OTOGL: variants seen among roughly 807,000 people sequenced by gnomAD.
OTOGL encodes the protein otogelin-like protein.
In OTOGL, 285 loss-of-function variants were observed where a neutral mutation model predicts 318.5. The observed-to-expected ratio is 0.89, with a 90% CI of 0.81 to 0.99. The LOEUF is 0.99. Ranked by LOEUF, OTOGL falls within the 50% of genes least tolerant of loss-of-function variation. The pLI is 0.00. For synonymous variants in OTOGL, 987 were observed against 936.5 expected (o/e 1.05, Z -0.99); for missense variants, 2,899 against 2,845.6 (o/e 1.02, Z -0.43).
At position 80,342,150 on chromosome 12, in the gene OTOGL, A is replaced by T; in HGVS notation, c.5253A>T (p.Pro1751=). The T allele has an allele frequency of 6.4e-7, 1 of 1,572,980 alleles. No homozygotes were observed. Among genetic ancestry groups the T allele is most frequent in the Non-Finnish European group, 8.6e-7 (1 of 1,156,660 alleles). ...IDLLNRRIFI[P]CHDKVSPEDF... is the part of the protein sequence containing the mutation. Reference sequence around the variant, plus strand: ...TATTAAATAGAAGAATTTTCATTCCATGTCATGATAAAGTAAGTTGGAAGC... The same window carrying T: ...TATTAAATAGAAGAATTTTCATTCCTTGTCATGATAAAGTAAGTTGGAAGC... The change falls in exon 44 of 59, where the codon CCA becomes CCT. Residue 1751 remains proline (P), a synonymous_variant. Transcript: ENST00000547103.
intron 7 of OTOGL, among the ~76,000 whole-genome samples, chr12:80,226,413 A>C (rs1191272006): frequency 6.6e-6 from 1 of 151,790 alleles, no homozygotes; most frequent in East Asian, 1.9e-4. Context: ...TATTCTCTTT[A>C]CTCCAGTCAC....
chr12:80,170,408 A>G (rs1245012), intron 1 of OTOGL, among the ~76,000 whole-genome samples: 142,084 of 152,186 alleles, frequency 0.93, 66,451 homozygotes, highest in East Asian at 1. Flanking sequence ...GATATTTTCT[A>G]CTCATAGTTT....
At chr12:80,201,484 G>A (rs1876452561) in intron 1 of OTOGL, among the ~76,000 whole-genome samples, 1 of 152,198 alleles carries the variant, frequency 6.6e-6, no homozygotes, top group Non-Finnish European at 1.5e-5. Flanking sequence ...CACAGGGAGG[G>A]CACAAAGTGA....
chr12:80,176,303 C>T lies in OTOGL; in HGVS notation c.-19-33110C>T, dbSNP rs1874522369. 3.3e-5 allele frequency among the ~76,000 whole-genome samples: 5 copies of T among 152,142 alleles called. No individual in the cohort carries two copies. The South Asian group carries it at 1.0e-3, about 32-fold the overall frequency. On this transcript the variant is annotated intron_variant, in intron 1 of 58. Transcript: ENST00000547103. Reference sequence around the variant, plus strand: ...TATTTAAGGTGTACAAATTTAACATCTGTACAACTTATTAAGCCATCACCA... The same window carrying T: ...TATTTAAGGTGTACAAATTTAACATTTGTACAACTTATTAAGCCATCACCA...
At chr12:80,144,644 A>G (rs1872208664) in intron 1 of OTOGL, among the ~76,000 whole-genome samples, 1 of 151,988 alleles carries the variant, frequency 6.6e-6, no homozygotes, top group Non-Finnish European at 1.5e-5. Context: ...GACTTCCACA[A>G]TGGTTGAACT....
intron 18 of OTOGL, among the ~76,000 whole-genome samples, chr12:80,260,800 A>G (rs1392905903): frequency 6.6e-6 from 1 of 152,152 alleles, no homozygotes; most frequent in African/African-American, 2.4e-5. Context: ...AGTCAGTTCC[A>G]CCTGGAAACC....
At chr12:80,336,584 TTCA>T (rs748366013) in intron 40 of OTOGL, 29 bp downstream of exon 40, 1 of 1,587,006 alleles carries the variant, frequency 6.3e-7, no homozygotes, top group South Asian at 1.1e-5. Context: ...TTGCAGTCAT[TTCA>T]TCATAAATCT....
intron 1 of OTOGL, among the ~76,000 whole-genome samples, chr12:80,160,186 G>A (rs892160352): frequency 3.3e-5 from 5 of 151,966 alleles, no homozygotes; most frequent in East Asian, 1.9e-4. Context: ...CATTGGCTTC[G>A]GCAAAGACTT....
intron 1 of OTOGL, among the ~76,000 whole-genome samples, chr12:80,201,085 A>G (rs1174380863): frequency 6.6e-6 from 1 of 152,162 alleles, no homozygotes; most frequent in African/African-American, 2.4e-5. Context: ...CTGTTTTCCC[A>G]GAGGTAGTAG....
intron 34 of OTOGL, among the ~76,000 whole-genome samples, chr12:80,321,510 G>A (rs553889962): frequency 6.6e-6 from 1 of 151,880 alleles, no homozygotes; most frequent in East Asian, 1.9e-4. Context: ...CACCAACATC[G>A]CACATGTATA....
At position 80,336,508 on chromosome 12, in the gene OTOGL, C is replaced by T. The variant is rs772878136; in HGVS notation, c.4696C>T (p.Pro1566Ser). Residue 1566 changes from proline (P) to serine (S), a missense_variant, in exon 40 of 59, where the codon CCT becomes TCT. Physicochemically the swap from Pro to Ser is moderately conservative, Grantham distance 74. Transcript: ENST00000547103. Reference protein sequence around the residue: ...SMASYILVRIPGEIIVAHIEK... With the variant: ...SMASYILVRISGEIIVAHIEK... ...GGCTTCTTATATCTTAGTAAGAATT[C>T]CTGGTGAAATTATAGTTGCTCATAT... 5 of 1,609,496 alleles carry T rather than the reference C, an allele frequency of 3.1e-6. No individual in the cohort carries two copies. In the African/African-American group the frequency reaches 6.7e-5, roughly 22 times the overall value.
At chr12:80,278,126 C>A in intron 24 of OTOGL, 42 bp from the exon 25 acceptor site, 1 of 1,406,776 alleles carries the variant, frequency 7.1e-7, no homozygotes, top group Non-Finnish European at 9.8e-7. Flanking sequence ...AAACTGAAAA[C>A]TGTAGTTCAT....
intron 21 of OTOGL, 49 bp downstream of exon 21, chr12:80,266,665 TC>T: frequency 6.5e-7 from 1 of 1,540,820 alleles, no homozygotes; most frequent in African/African-American, 1.4e-5. Flanking sequence ...TCTCTTTTTC[TC>T]CTTACGGGCT....
intron 1 of OTOGL, among the ~76,000 whole-genome samples, chr12:80,188,582 G>A (rs181561114): frequency 1.9e-3 from 284 of 150,694 alleles, no homozygotes; most frequent in African/African-American, 6.5e-3. Flanking sequence ...ATAAAAAGGT[G>A]AGCCTTCTCT....
intron 1 of OTOGL, among the ~76,000 whole-genome samples, chr12:80,181,305 A>T (rs1874904182): frequency 6.6e-6 from 1 of 150,630 alleles, no homozygotes; most frequent in Non-Finnish European, 1.5e-5. Flanking sequence ...TTACCCCTGT[A>T]TTTAGATTTT....
chr12:80,258,124 T>C (rs549538937), intron 18 of OTOGL, 122 bp downstream of exon 18: 1 of 868,588 alleles, frequency 1.2e-6, no homozygotes, highest in East Asian at 2.9e-5. Flanking sequence ...GAGATTTACA[T>C]GGATCATCGT....
chr12:80,197,445 T>C (rs1876157571), intron 1 of OTOGL, among the ~76,000 whole-genome samples: 1 of 152,110 alleles, frequency 6.6e-6, no homozygotes, highest in Admixed American at 6.5e-5. Flanking sequence ...AGGCTGGTCT[T>C]GAACTCCCGA....
At chr12:80,308,730 C>G (rs549912430) in intron 29 of OTOGL, among the ~76,000 whole-genome samples, 1 of 152,188 alleles carries the variant, frequency 6.6e-6, no homozygotes, top group Non-Finnish European at 1.5e-5. Flanking sequence ...CTTGGGAGGC[C>G]GAGGCTGGCG....
At chr12:80,290,501 A>G (rs1451037483) in intron 26 of OTOGL, among the ~76,000 whole-genome samples, 2 of 152,160 alleles carry the variant, frequency 1.3e-5, no homozygotes, top group Non-Finnish European at 2.9e-5. Flanking sequence ...CTTCTTCTGC[A>G]TAGTCAAATT....
Sources: allele counts gnomAD v4.1 joint callset (sites outside exome capture counted in the v4.1 genomes callset), GRCh38; gene constraint gnomAD v4.1.1; transcripts MANE v1.5; gene names NCBI Gene and HGNC (gene_info 2026-07-23, HGNC 2026-07-21).